EML6: variants seen among roughly 807,000 people sequenced by gnomAD.
EML6 encodes the protein EMAP like 6.
EML6 carries 154 observed loss-of-function variants against 240.1 expected under a neutral mutation model. The ratio of observed to expected loss-of-function variants is 0.64; its 90% confidence interval spans 0.56 to 0.73. The LOEUF (loss-of-function observed/expected upper bound fraction) is 0.73. EML6 is among the 30% of genes least tolerant of loss of function. The pLI is 0.00. For missense variants in EML6, 2,964 were observed against 2,474.6 expected (o/e 1.20, Z -4.20); for synonymous variants, 1,148 against 899.0 (o/e 1.28, Z -4.95).
Position 54,725,210 on chromosome 2 carries a change from G to T in EML6, c.149G>T (p.Arg50Leu), listed in dbSNP as rs770072165. The change falls in exon 2 of 42, where the codon CGC (arginine) becomes CTC (leucine). Residue 50 changes from arginine to leucine, a missense_variant. By Grantham distance (102) the Arg-to-Leu change is moderately radical. Transcript: ENST00000356458. The surrounding 1 kb of genome is among the most constrained non-coding windows in gnomAD (Gnocchi z 4.3). Reference protein sequence around the residue: ...VAGVGVVYNTREHSQKFFLGH... With the variant: ...VAGVGVVYNTLEHSQKFFLGH... Reference sequence around the variant, plus strand: ...GGGGTCGGGGTGGTTTACAACACCCGCGAGCACAGCCAAAAATTCTTCCTG... The same window carrying T: ...GGGGTCGGGGTGGTTTACAACACCCTCGAGCACAGCCAAAAATTCTTCCTG... The T allele has an allele frequency of 6.7e-7, 1 of 1,501,658 alleles. No individual in the cohort carries two copies. The highest frequency in any genetic ancestry group is 8.9e-7 in the Non-Finnish European group (1 of 1,121,650). The allele number at this position is 1,501,658 out of a possible 1,614,324, so 93.0% of individuals were successfully genotyped here.
intron 26 of EML6, among the ~76,000 whole-genome samples, chr2:54,919,785 C>T (rs1674124529): frequency 6.6e-6 from 1 of 152,166 alleles, no homozygotes; most frequent in Non-Finnish European, 1.5e-5. Flanking sequence ...GGTGGCTTAT[C>T]TATATATTAG....
chr2:54,883,613 C>A (rs374567729), intron 17 of EML6, among the ~76,000 whole-genome samples: 1 of 152,056 alleles, frequency 6.6e-6, no homozygotes, highest in Non-Finnish European at 1.5e-5. Flanking sequence ...TGTGATGGGG[C>A]GTGAGGAATC....
At chr2:54,852,925 G>A (rs979690137) in intron 10 of EML6, among the ~76,000 whole-genome samples, 1 of 152,220 alleles carries the variant, frequency 6.6e-6, no homozygotes, top group African/African-American at 2.4e-5. Flanking sequence ...ACCTGCTGTG[G>A]TGGGAACTGG....
Position 54,724,978 on chromosome 2 carries a change from C to T in EML6, c.-84C>T, listed in dbSNP as rs143216688. 76,381 of 1,173,202 alleles carry T rather than the reference C, an allele frequency of 0.065. 2,742 individuals carry two copies. The highest frequency in any genetic ancestry group is 0.077 in the Middle Eastern group (229 of 2,992). The allele number at this position is 1,173,202 out of a possible 1,614,324, so 72.7% of individuals were successfully genotyped here. On this transcript the variant is annotated 5_prime_UTR_variant, in exon 2 of 42. Coordinates refer to ENST00000356458, the MANE Select transcript of EML6 (RefSeq NM_001039753.4). The surrounding 1 kb of genome is among the most constrained non-coding windows in gnomAD (Gnocchi z 5.2). Reference sequence around the variant, plus strand: ...CAGCGCCCTGCGCCGCGCGCTGAGCCCCTGCAGGTCCGCCGCAGCCCCAGC... The same window carrying T: ...CAGCGCCCTGCGCCGCGCGCTGAGCTCCTGCAGGTCCGCCGCAGCCCCAGC...
chr2:54,797,306 A>G (rs1024738602), intron 2 of EML6, among the ~76,000 whole-genome samples: 2 of 152,094 alleles, frequency 1.3e-5, no homozygotes, highest in South Asian at 2.1e-4. Flanking sequence ...GCAAGGGGCC[A>G]GTATAGACAA....
chr2:54,897,118 A>G lies in EML6; in HGVS notation c.2982+1718A>G, dbSNP rs558415784. Among the ~76,000 whole-genome samples, 866 of 152,296 alleles carry G rather than the reference A, an allele frequency of 5.7e-3. 3 individuals are homozygous for G. The highest frequency in any genetic ancestry group is 0.014 in the Middle Eastern group (4 of 294). The stretch of plus-strand genomic sequence containing the variant: ...TTACTTTTTAATCTCCAAATGTTTG[A>G]GAATGTAAATTGTTTCCATGTATGC... On this transcript the variant is annotated intron_variant, in intron 21 of 41. Transcript: ENST00000356458.
Position 54,775,511 on chromosome 2 carries a change from C to T in EML6, c.198-37721C>T, listed in dbSNP as rs567532780. The stretch of plus-strand genomic sequence containing the variant: ...CCTCATTGGAGGCCTTTCCTGACCT[C>T]TTTATATAAAATTGCACCTCTTGTC... On this transcript the variant is annotated intron_variant, in intron 2 of 41. Coordinates refer to ENST00000356458, the MANE Select transcript of EML6 (RefSeq NM_001039753.4). Among the ~76,000 whole-genome samples, 12 of 152,302 alleles carry T rather than the reference C, an allele frequency of 7.9e-5. No homozygotes were observed. In the South Asian group the frequency reaches 2.5e-3, roughly 32 times the overall value.
At chr2:54,732,602 A>C (rs917932739) in intron 2 of EML6, among the ~76,000 whole-genome samples, 6 of 152,204 alleles carry the variant, frequency 3.9e-5, no homozygotes, top group Admixed American at 1.3e-4. Flanking sequence ...GAATTCAGCC[A>C]GTAGGGGACT....
At chr2:54,924,154 G>A (rs1453422056) in intron 26 of EML6, among the ~76,000 whole-genome samples, 2 of 152,142 alleles carry the variant, frequency 1.3e-5, no homozygotes, top group African/African-American at 4.8e-5. Context: ...TCTGAGTCAT[G>A]GGGAAAAATA....
intron 12 of EML6, 42 bp downstream of exon 12, chr2:54,859,743 A>G (rs1217139072): frequency 6.1e-6 from 9 of 1,484,650 alleles, no homozygotes; most frequent in Non-Finnish European, 7.2e-6. Context: ...TTATTTTTCA[A>G]TAGGCATTTC....
intron 29 of EML6, 26 bp from the exon 30 acceptor site, chr2:54,950,624 A>G (rs975887242): frequency 6.4e-7 from 1 of 1,550,772 alleles, no homozygotes; most frequent in Non-Finnish European, 8.7e-7. Context: ...TCTGAGGGTC[A>G]CATTGATCTG....
intron 2 of EML6, among the ~76,000 whole-genome samples, chr2:54,788,682 A>G (rs965940287): frequency 2.0e-5 from 3 of 152,222 alleles, no homozygotes. Flanking sequence ...AGAATGGCTT[A>G]TCAGTCATTT....
chr2:54,739,811 A>G (rs1683553198), intron 2 of EML6, among the ~76,000 whole-genome samples: 1 of 152,246 alleles, frequency 6.6e-6, no homozygotes, highest in Admixed American at 6.5e-5. Flanking sequence ...TACAGTGTGG[A>G]TAATGGATTG....
intron 17 of EML6, among the ~76,000 whole-genome samples, chr2:54,889,129 A>G (rs562451253): frequency 6.6e-6 from 1 of 152,268 alleles, no homozygotes; most frequent in South Asian, 2.1e-4. Flanking sequence ...TGTCTGTTTC[A>G]AGATTTTCTG....
intron 35 of EML6, among the ~76,000 whole-genome samples, chr2:54,961,670 G>A (rs907818052): frequency 3.3e-5 from 5 of 152,014 alleles, no homozygotes; most frequent in Non-Finnish European, 5.9e-5. Flanking sequence ...AAGTAAGAGG[G>A]TGGAGAAGAG....
chr2:54,790,159 T>C (rs165049), intron 2 of EML6, among the ~76,000 whole-genome samples: 141,369 of 152,302 alleles, frequency 0.93, 65,729 homozygotes, highest in African/African-American at 0.98. Context: ...GACTAGTGAT[T>C]TTTATAAGAG....
chr2:54,748,278 G>A (rs943772018), intron 2 of EML6: 1 of 152,138 alleles, frequency 6.6e-6, no homozygotes, highest in Non-Finnish European at 1.5e-5. Context: ...CCTTTGGTGG[G>A]CATAATTTTT....
chr2:54,842,800 A>G (rs1197365446), intron 7 of EML6, among the ~76,000 whole-genome samples: 1 of 152,226 alleles, frequency 6.6e-6, no homozygotes, highest in African/African-American at 2.4e-5. Flanking sequence ...ATGAAATAGT[A>G]CTACTGAGAG....
intron 25 of EML6, among the ~76,000 whole-genome samples, chr2:54,913,422 A>G (rs751066198): frequency 9.9e-5 from 15 of 151,782 alleles, no homozygotes; most frequent in Non-Finnish European, 1.8e-4. Flanking sequence ...TAATTCTTGT[A>G]TAATAGTTTT....
Sources: gnomAD v4.1 joint callset for allele counts (sites outside exome capture counted in the v4.1 genomes callset) on GRCh38, gnomAD v4.1.1 for gene constraint, Gnocchi (gnomAD v3.1) non-coding constraint, MANE v1.5 for transcripts, NCBI Gene and HGNC (gene_info 2026-07-23, HGNC 2026-07-21) for gene names.